ADAMTS12: variants seen among roughly 807,000 people sequenced by gnomAD.
ADAMTS12 encodes the protein A disintegrin and metalloproteinase with thrombospondin motifs 12.
In ADAMTS12, 118 loss-of-function variants were observed where a neutral mutation model predicts 167.8. The ratio of observed to expected loss-of-function variants is 0.70; its 90% CI spans 0.61 to 0.82. ADAMTS12 has a LOEUF of 0.82. Ranked by LOEUF, ADAMTS12 falls within the 40% of genes least tolerant of loss-of-function variation. The probability of loss-of-function intolerance (pLI) is 0.00; values close to 1 mark genes in which losing one functional copy is unlikely to be tolerated. For missense variants in ADAMTS12, 1,916 were observed against 1,998.8 expected (o/e 0.96, Z 0.79); for synonymous variants, 704 against 716.9 (o/e 0.98, Z 0.29).
chr5:33,689,612 A>G (rs1742478844), intron 3 of ADAMTS12, among the ~76,000 whole-genome samples: 1 of 152,128 alleles, frequency 6.6e-6, no homozygotes, highest in South Asian at 2.1e-4. Flanking sequence ...TACTCAGGGA[A>G]GATATTCTGG....
At chr5:33,792,721 T>G (rs1294082266) in intron 2 of ADAMTS12, among the ~76,000 whole-genome samples, 1 of 152,198 alleles carries the variant, frequency 6.6e-6, no homozygotes, top group South Asian at 2.1e-4. Flanking sequence ...AACAAGAAGA[T>G]AGTATCCTTG....
chr5:33,677,111 T>C (rs1296097399), intron 5 of ADAMTS12, among the ~76,000 whole-genome samples: 1 of 152,176 alleles, frequency 6.6e-6, no homozygotes, highest in East Asian at 1.9e-4. Context: ...TCCAACATCA[T>C]ATGACCCTGA....
At chr5:33,815,447 C>G (rs1332691028) in intron 2 of ADAMTS12, among the ~76,000 whole-genome samples, 1 of 152,214 alleles carries the variant, frequency 6.6e-6, no homozygotes, top group Non-Finnish European at 1.5e-5. Context: ...AGAAGTCAGC[C>G]AGTGCCTGCA....
At chr5:33,620,060 C>T (rs1284409862) in intron 14 of ADAMTS12, among the ~76,000 whole-genome samples, 4 of 152,230 alleles carry the variant, frequency 2.6e-5, no homozygotes, top group Non-Finnish European at 5.9e-5. Context: ...TATAGCAGTC[C>T]TGCACCGATG....
intron 3 of ADAMTS12, among the ~76,000 whole-genome samples, chr5:33,725,812 AAT>A (rs899529809): frequency 6.6e-6 from 1 of 152,194 alleles, no homozygotes; most frequent in African/African-American, 2.4e-5. Context: ...ATCCTCTGGG[AAT>A]ATGTTATAAA....
chr5:33,701,013 C>T (rs1184861214), intron 3 of ADAMTS12, among the ~76,000 whole-genome samples: 4 of 152,154 alleles, frequency 2.6e-5, no homozygotes. Context: ...TCTGTGTTTC[C>T]TTCTTGAGTG....
intron 2 of ADAMTS12, among the ~76,000 whole-genome samples, chr5:33,801,144 T>A (rs1378639918): frequency 6.6e-6 from 1 of 151,944 alleles, no homozygotes; most frequent in Non-Finnish European, 1.5e-5. Context: ...CCAGAGGGAG[T>A]GCAGTCTTGC....
chr5:33,604,808 T>C (rs1187877668), intron 16 of ADAMTS12, among the ~76,000 whole-genome samples: 1 of 151,442 alleles, frequency 6.6e-6, no homozygotes, highest in Admixed American at 6.6e-5. Flanking sequence ...AGACAGAAGA[T>C]GGGAGAAAAG....
intron 2 of ADAMTS12, among the ~76,000 whole-genome samples, chr5:33,816,392 G>C (rs781007819): frequency 6.6e-6 from 1 of 151,978 alleles, no homozygotes; most frequent in African/African-American, 2.4e-5. Flanking sequence ...ATCTACCATG[G>C]TATGCAATAT....
chr5:33,534,497 G>A (rs1418451799), intron 23 of ADAMTS12, among the ~76,000 whole-genome samples: 2 of 152,094 alleles, frequency 1.3e-5, no homozygotes, highest in Non-Finnish European at 2.9e-5. Flanking sequence ...AAGAAAGGCT[G>A]GGATATCTCT....
intron 3 of ADAMTS12, among the ~76,000 whole-genome samples, chr5:33,736,248 T>A (rs10054552): frequency 7.2e-5 from 11 of 151,804 alleles, no homozygotes; most frequent in African/African-American, 2.7e-4. Flanking sequence ...TTTTTAGTAG[T>A]GATGGGGTTT....
In ADAMTS12 at chr5:33,841,427, G is replaced by T. The variant is rs138329895; in HGVS notation, c.489+39692C>A. Reference sequence around the variant, plus strand: ...TAACCTCTGGTTCTCCTGTGGCTTTGCTCATTTCTCTTTCAACTTCCAAAA... The same window carrying T: ...TAACCTCTGGTTCTCCTGTGGCTTTTCTCATTTCTCTTTCAACTTCCAAAA... On this transcript the variant is annotated intron_variant, in intron 2 of 23. Coordinates refer to ENST00000504830, the MANE Select transcript of ADAMTS12 (RefSeq NM_030955.4). 2.2e-3 allele frequency among the ~76,000 whole-genome samples: 334 copies of T among 152,220 alleles called. 2 individuals carry two copies. Among genetic ancestry groups the T allele is most frequent in the African/African-American group, 7.8e-3 (324 of 41,524 alleles).
chr5:33,888,571 T>A (rs575402759), intron 1 of ADAMTS12, among the ~76,000 whole-genome samples: 1 of 152,324 alleles, frequency 6.6e-6, no homozygotes, highest in South Asian at 2.1e-4. Flanking sequence ...AAAACTCTTA[T>A]CTGAAAACAC....
At chr5:33,810,698 C>T (rs923619751) in intron 2 of ADAMTS12, among the ~76,000 whole-genome samples, 1 of 152,184 alleles carries the variant, frequency 6.6e-6, no homozygotes, top group Non-Finnish European at 1.5e-5. Flanking sequence ...ATGACAGCAT[C>T]ATCCAGGAAT....
intron 3 of ADAMTS12, among the ~76,000 whole-genome samples, chr5:33,746,096 G>A (rs1221502095): frequency 1.3e-5 from 2 of 152,178 alleles, no homozygotes; most frequent in Non-Finnish European, 2.9e-5. Context: ...TCATAGCAAA[G>A]CAAAGCACAA....
chr5:33,880,973 C>T, intron 2 of ADAMTS12, 146 bp downstream of exon 2: 1 of 1,233,706 alleles, frequency 8.1e-7, no homozygotes, highest in Non-Finnish European at 1.1e-6. Context: ...TACTTTCTCG[C>T]CAACCACTTT....
chr5:33,681,680 A>G (rs1742122288), intron 5 of ADAMTS12, among the ~76,000 whole-genome samples: 1 of 152,218 alleles, frequency 6.6e-6, no homozygotes, highest in African/African-American at 2.4e-5. Context: ...CTTTGAATAA[A>G]CTGGTCACTG....
chr5:33,710,553 A>G (rs989113013), intron 3 of ADAMTS12, among the ~76,000 whole-genome samples: 5 of 152,204 alleles, frequency 3.3e-5, no homozygotes, highest in Admixed American at 2.6e-4. Flanking sequence ...AATGGAGAAG[A>G]TATCAGTGAG....
intron 11 of ADAMTS12, among the ~76,000 whole-genome samples, 163 bp from the exon 12 acceptor site, chr5:33,637,909 GACA>G (rs1334597368): frequency 6.6e-6 from 1 of 152,094 alleles, no homozygotes; most frequent in Non-Finnish European, 1.5e-5. Flanking sequence ...TTCCTTGCCT[GACA>G]ACATTTCAGT....
Sources: gnomAD v4.1 joint callset for allele counts (sites outside exome capture counted in the v4.1 genomes callset) on GRCh38, gnomAD v4.1.1 for gene constraint, MANE v1.5 for transcripts, NCBI Gene and HGNC (gene_info 2026-07-23, HGNC 2026-07-21) for gene names.